Variants in MICAL3 observed in about 807,000 individuals in gnomAD.
The protein encoded by MICAL3 is microtubule associated monooxygenase, calponin and LIM domain containing 3.
Under a neutral mutation model 207.4 loss-of-function variants are expected in MICAL3, and 62 were observed. That is an observed-to-expected ratio of 0.30 (90% CI 0.24 to 0.37). MICAL3 has a LOEUF of 0.37. Ranked by LOEUF, MICAL3 falls within the 10% of genes least tolerant of loss-of-function variation. The probability of loss-of-function intolerance (pLI) is 1.00; values close to 1 mark genes in which losing one functional copy is unlikely to be tolerated. For missense variants in MICAL3, 2,368 were observed against 2,635.6 expected, an observed-to-expected ratio of 0.90 and a Z score of 2.22; for synonymous variants, 1,077 against 1,069.3, an observed-to-expected ratio of 1.01 and a Z score of -0.14.
At chr22:17,812,506 C>G (rs1180147413) in intron 27 of MICAL3, 1 of 985,690 alleles carries the variant, frequency 1.0e-6, no homozygotes, top group East Asian at 1.1e-4. Flanking sequence ...CGAGACACTA[C>G]CTTTGATGCA....
At position 18,022,427 on chromosome 22, in the gene MICAL3, C is replaced by CT. The variant is rs11372065; in HGVS notation, c.-75+1853_-75+1854insA. On this transcript the variant is annotated intron_variant, in intron 1 of 31. Transcript: ENST00000441493. ...ACTACTGCATTCCGACCTGCACCCC[C>CT]ACCCTTTTTTTTTTCTTTTGAGACA... Among the ~76,000 whole-genome samples, 569 of 151,798 alleles carry CT rather than the reference C, an allele frequency of 3.7e-3. 3 individuals are homozygous for CT. Among genetic ancestry groups the CT allele is most frequent in the Non-Finnish European group, 4.5e-3 (306 of 67,926 alleles).
At chr22:17,915,384 C>T (rs1034808495) in intron 1 of MICAL3, among the ~76,000 whole-genome samples, 6 of 152,182 alleles carry the variant, frequency 3.9e-5, no homozygotes, top group African/African-American at 1.4e-4. Context: ...GGCCACTGCA[C>T]ACAGGGACTC....
In MICAL3 at chr22:17,891,490, G is replaced by A. The variant is rs952632623; in HGVS notation, c.1689C>T (p.Asp563=). ...LCAIIHRYRP[D]LIDFDSLDEQ... is the part of the protein sequence containing the mutation. ...AAAGTTTGATCACAACTTACATCAG[G>A]TCAGGGCGGTATCTATGGATAATTG... is the stretch of plus-strand genomic sequence containing the variant. The change falls in exon 12 of 32, where the codon GAC becomes GAT. Residue 563 remains aspartate (D), a synonymous_variant. Transcript: ENST00000441493. 2 of 1,613,946 alleles carry A rather than the reference G, an allele frequency of 1.2e-6. No homozygotes were observed. The highest frequency in any genetic ancestry group is 1.3e-5 in the African/African-American group (1 of 75,040).
In MICAL3 at chr22:17,817,537, G is replaced by A. The variant is rs1445248077; in HGVS notation, c.5124C>T (p.Asn1708=). The change falls in exon 26 of 32, where the codon AAC becomes AAT. Residue 1708 remains asparagine (N), a synonymous_variant. Transcript: ENST00000441493. ...CGCCTTTGGACTTCTTCTCCTTCTT[G>A]TTTCTGCGGGGGGAGAAGAGTGACG... is the stretch of plus-strand genomic sequence containing the variant. The part of the protein sequence containing the change: ...KRSSLFSPRR[N]KKEKKSKGEG... 1.9e-6 allele frequency: 3 copies of A among 1,613,548 alleles called. No individual in the cohort carries two copies. The highest frequency in any genetic ancestry group is 2.5e-6 in the Non-Finnish European group (3 of 1,179,796).
At chr22:17,801,763 G>A (rs1267632738) in intron 29 of MICAL3, among the ~76,000 whole-genome samples, 1 of 151,970 alleles carries the variant, frequency 6.6e-6, no homozygotes, top group African/African-American at 2.4e-5. Flanking sequence ...GTGGGGTGGT[G>A]GGTACCCGTA....
intron 19 of MICAL3, among the ~76,000 whole-genome samples, chr22:17,852,228 G>C (rs144285121): frequency 6.6e-6 from 1 of 152,260 alleles, no homozygotes; most frequent in African/African-American, 2.4e-5. Flanking sequence ...ATACTCCCTT[G>C]GCTAGCTGCA....
chr22:18,024,076 G>C (rs1175538198), intron 1 of MICAL3, among the ~76,000 whole-genome samples: 1 of 152,204 alleles, frequency 6.6e-6, no homozygotes, highest in Admixed American at 6.5e-5. Context: ...ATCGAGACAC[G>C]GATACTGGGT....
chr22:17,891,461 AC>A, intron 12 of MICAL3, 23 bp downstream of exon 12: 1 of 1,612,524 alleles, frequency 6.2e-7, no homozygotes, highest in South Asian at 1.1e-5. Context: ...GTATAAAAAA[AC>A]ACAAAGTTTG....
intron 13 of MICAL3, among the ~76,000 whole-genome samples, chr22:17,888,456 C>T (rs912567337): frequency 1.3e-5 from 2 of 152,128 alleles, no homozygotes; most frequent in Non-Finnish European, 2.9e-5. Flanking sequence ...AGAGAATGCA[C>T]AGTGACAGGA....
intron 17 of MICAL3, 67 bp downstream of exon 17, chr22:17,871,770 C>A: frequency 6.9e-7 from 1 of 1,459,438 alleles, no homozygotes. Context: ...CCAAAGGCGC[C>A]CAGCTCAGAT....
chr22:17,881,033 C>T (rs750674327), intron 16 of MICAL3, among the ~76,000 whole-genome samples: 1 of 152,156 alleles, frequency 6.6e-6, no homozygotes, highest in Non-Finnish European at 1.5e-5. Flanking sequence ...GTAGGATGCA[C>T]CATCCTGAGG....
At chr22:17,986,716 C>T (rs544784040) in intron 1 of MICAL3, among the ~76,000 whole-genome samples, 2 of 152,240 alleles carry the variant, frequency 1.3e-5, no homozygotes, top group Admixed American at 1.3e-4. Context: ...ATTTCTTTCC[C>T]ATAGTTCCCC....
At chr22:17,816,621 C>T in intron 27 of MICAL3, 69 bp downstream of exon 27, 2 of 1,282,488 alleles carry the variant, frequency 1.6e-6, no homozygotes, top group South Asian at 2.5e-5. Flanking sequence ...CTCTCCTCTA[C>T]CCCACCAAAG....
chr22:17,820,480 G>T (rs914750979), intron 25 of MICAL3, among the ~76,000 whole-genome samples: 3 of 152,134 alleles, frequency 2.0e-5, no homozygotes, highest in African/African-American at 7.2e-5. Flanking sequence ...TCAGCCTCCT[G>T]AGTAGCTGGG....
At chr22:17,984,424 G>A (rs1421878293) in intron 1 of MICAL3, among the ~76,000 whole-genome samples, 2 of 152,224 alleles carry the variant, frequency 1.3e-5, no homozygotes, top group South Asian at 2.1e-4. Flanking sequence ...TAAAGACACT[G>A]GTCCAAGATT....
rs1380850764 is a variant in MICAL3, at chr22:17,900,984, T to C, written c.705A>G (p.Lys235=). 1 of 1,614,054 alleles carries C rather than the reference T, an allele frequency of 6.2e-7. No homozygotes were observed. The highest frequency in any genetic ancestry group is 1.1e-5 in the South Asian group (1 of 91,088). The change falls in exon 6 of 32, where the codon AAA becomes AAG. Residue 235 remains lysine (K), a synonymous_variant. Coordinates refer to ENST00000441493, the MANE Select transcript of MICAL3 (RefSeq NM_015241.3). This position sits in a 1 kb window ranked among gnomAD's most constrained non-coding sequence, Gnocchi z 4.0. ...RRNTLEGFRR[K]EFRGKLAIAI... Reference sequence around the variant, plus strand: ...CGATGGCCAGTTTGCCACGGAATTCTTTCCGACGAAACCCTGGAGGGAAAT... The same window carrying C: ...CGATGGCCAGTTTGCCACGGAATTCCTTCCGACGAAACCCTGGAGGGAAAT...
intron 24 of MICAL3, 39 bp from the exon 25 acceptor site, chr22:17,821,548 C>G: frequency 6.6e-7 from 1 of 1,504,028 alleles, no homozygotes; most frequent in Non-Finnish European, 8.9e-7. Flanking sequence ...AGAGGAAGCC[C>G]CCCCATGTGC....
At chr22:17,964,718 G>A (rs1935066775) in intron 1 of MICAL3, among the ~76,000 whole-genome samples, 1 of 152,206 alleles carries the variant, frequency 6.6e-6, no homozygotes, top group Non-Finnish European at 1.5e-5. Flanking sequence ...AAAACCAGCT[G>A]GTTTCTGGTA....
At chr22:17,980,775 G>T (rs1014947169) in intron 1 of MICAL3, 10 of 462,636 alleles carry the variant, frequency 2.2e-5, no homozygotes, top group South Asian at 1.2e-4. Flanking sequence ...TTATCATTCC[G>T]CGGCAGCAAA....
Sources: allele counts gnomAD v4.1 joint callset (sites outside exome capture counted in the v4.1 genomes callset), GRCh38; gene constraint gnomAD v4.1.1; non-coding constraint Gnocchi (gnomAD v3.1); transcripts MANE v1.5; gene names NCBI Gene and HGNC (gene_info 2026-07-23, HGNC 2026-07-21).